The following C1orf167 variants were observed in gnomAD, a reference collection of about 807,000 sequenced individuals.
C1orf167 encodes the protein chromosome 1 open reading frame 167, also known as uncharacterized protein C1orf167.
C1orf167 carries 153 observed loss-of-function variants against 176.5 expected under a neutral mutation model. The ratio of observed to expected loss-of-function variants is 0.87; its 90% CI spans 0.76 to 0.99. The LOEUF (loss-of-function observed/expected upper bound fraction) is 0.99. Among genes scored for constraint, C1orf167 ranks in the 50% least tolerant of loss-of-function variants. The pLI, the probability that C1orf167 is intolerant of heterozygous loss-of-function variation, is 0.00. For missense variants in C1orf167, 1,490 were observed against 1,817.7 expected (o/e 0.82, Z 3.28); for synonymous variants, 594 against 752.7 (o/e 0.79, Z 3.45).
chr1:11,788,488 G>T, intron 19 of C1orf167, 110 bp downstream of exon 19: 1 of 1,149,228 alleles, frequency 8.7e-7, no homozygotes, highest in Non-Finnish European at 1.1e-6. Context: ...CAAAACCTTG[G>T]GGGACAGGCC....
At chr1:11,771,349 C>T (rs890872799) in intron 6 of C1orf167, among the ~76,000 whole-genome samples, 175 bp from the exon 7 acceptor site, 3 of 152,018 alleles carry the variant, frequency 2.0e-5, no homozygotes, top group Non-Finnish European at 4.4e-5. Context: ...GAACCTCCCC[C>T]CAGCAATAGC....
chr1:11,762,687 A>T lies in C1orf167; in HGVS notation c.-71+382A>T, dbSNP rs550484600. Among the ~76,000 whole-genome samples, 7 of 152,320 alleles carry T rather than the reference A, an allele frequency of 4.6e-5. No individual in the cohort carries two copies. In the South Asian group the frequency reaches 1.5e-3, roughly 32 times the overall value. On this transcript the variant is annotated intron_variant, in intron 1 of 20. Coordinates refer to ENST00000688073, the MANE Select transcript of C1orf167 (RefSeq NM_001010881.2). ...AAGTCCCAGGGCTGCAGTGCAGATT[A>T]AATGGCAGGACGCCTGCTGAAGGCT...
intron 8 of C1orf167, 63 bp from the exon 9 acceptor site, chr1:11,775,372 C>T (rs977413567): frequency 8.4e-7 from 1 of 1,196,670 alleles, no homozygotes; most frequent in African/African-American, 1.6e-5. Flanking sequence ...CAATGGCAGG[C>T]AGCTGGAGCC....
At chr1:11,773,715 A>C (rs1327127249) in intron 8 of C1orf167, among the ~76,000 whole-genome samples, 1 of 152,142 alleles carries the variant, frequency 6.6e-6, no homozygotes, top group Non-Finnish European at 1.5e-5. Context: ...CTCAGAAATA[A>C]GTAAATAAAT....
At chr1:11,767,305 G>A (rs1384374314) in intron 4 of C1orf167, 41 bp downstream of exon 4, 1 of 1,270,502 alleles carries the variant, frequency 7.9e-7, no homozygotes, top group Non-Finnish European at 1.0e-6. Flanking sequence ...TGGAGTTGGG[G>A]GACACGTGCT....
chr1:11,776,615 G>T lies in C1orf167; in HGVS notation c.2316G>T (p.Arg772=). The T allele has an allele frequency of 8.3e-7, 1 of 1,200,794 alleles. No individual in the cohort carries two copies. The highest frequency in any genetic ancestry group is 1.1e-6 in the Non-Finnish European group (1 of 939,244). 74.4% of individuals were successfully genotyped at this position (1,200,794 alleles called of 1,614,324 possible). A position where few individuals can be genotyped will look rare whatever the true frequency, so the allele number is the denominator to read the frequency against. ...LCWALLLWKM[R]LFQRQWANSF... is the part of the protein sequence containing the mutation. The stretch of plus-strand genomic sequence containing the variant: ...GGGCGCTGCTGCTGTGGAAGATGCG[G>T]CTTTTCCAGCGCCAGTGGGCCAAGT... Residue 772 remains arginine (R), a synonymous_variant, in exon 10 of 21, where the codon CGG becomes CGT. Coordinates refer to ENST00000688073, the MANE Select transcript of C1orf167 (RefSeq NM_001010881.2).
intron 14 of C1orf167, 59 bp from the exon 15 acceptor site, chr1:11,784,115 A>G: frequency 8.3e-7 from 1 of 1,201,338 alleles, no homozygotes; most frequent in South Asian, 1.5e-5. Flanking sequence ...TTGGCTTCCC[A>G]AAGTGCTGGG....
intron 16 of C1orf167, chr1:11,785,955 A>G (rs1004749486): frequency 2.7e-5 from 4 of 150,858 alleles, no homozygotes; most frequent in African/African-American, 9.7e-5. Flanking sequence ...CTGGTCTCGA[A>G]CTCCTGAACT....
At chr1:11,770,583 A>T (rs964532711) in intron 6 of C1orf167, among the ~76,000 whole-genome samples, 3 of 149,630 alleles carry the variant, frequency 2.0e-5, no homozygotes, top group African/African-American at 7.4e-5. Flanking sequence ...AGCTGGGATT[A>T]TAGGCACACA....
In C1orf167 at chr1:11,769,114, C is replaced by T; in HGVS notation, c.1684C>T (p.Leu562=). ...GGTGGACCCCGCCCAGAGAAGCAGG[C>T]TGGAACACACCAGGTTGGTCAGTGT... ...TVVDPAQRSR[L]EHTSPGSLRE... is the part of the protein sequence containing the mutation. Residue 562 remains leucine (L), a synonymous_variant, in exon 6 of 21, where the codon CTG becomes TTG. Transcript: ENST00000688073. 1.0e-6 allele frequency: 1 copy of T among 985,954 alleles called. No individual in the cohort carries two copies. The highest frequency in any genetic ancestry group is 1.7e-5 in the African/African-American group (1 of 57,374). 61.1% of individuals were successfully genotyped at this position (985,954 alleles called of 1,614,324 possible). A position where few individuals can be genotyped will look rare whatever the true frequency, so the allele number is the denominator to read the frequency against.
chr1:11,765,072 A>G (rs1319229373), intron 2 of C1orf167, among the ~76,000 whole-genome samples: 8 of 150,988 alleles, frequency 5.3e-5, no homozygotes, highest in Non-Finnish European at 1.2e-4. Flanking sequence ...AAAAAAAAAA[A>G]AAAAAGAAAG....
intron 6 of C1orf167, 96 bp downstream of exon 6, chr1:11,769,223 A>G (rs951573302): frequency 2.2e-6 from 2 of 908,064 alleles, no homozygotes; most frequent in African/African-American, 3.6e-5. Context: ...AATGGGAATG[A>G]AATAAGCAGA....
chr1:11,787,808 G>A (rs1643929674), intron 17 of C1orf167, 65 bp from the exon 18 acceptor site: 1 of 1,182,752 alleles, frequency 8.5e-7, no homozygotes, highest in Non-Finnish European at 1.1e-6. Flanking sequence ...CTCCTAGGCG[G>A]GCACTAAGAG....
rs147195468 is a variant in C1orf167, at chr1:11,771,069, ATTTTTTTTT to A, written c.1698-436_1698-428del. Reference sequence around the variant, plus strand: ...TGTGTGTATATATATATATATATATATTTTTTTTTTTTTTTTTTTTTTTTTTTGTAGTAG... The same window carrying A: ...TGTGTGTATATATATATATATATATATTTTTTTTTTTTTTTTTTGTAGTAG... On this transcript the variant is annotated intron_variant, in intron 6 of 20. Transcript: ENST00000688073. Among the ~76,000 whole-genome samples the A allele has an allele frequency of 5.5e-4, 26 of 47,222 alleles. 1 individual carries two copies. Among genetic ancestry groups the A allele is most frequent in the African/African-American group, 2.2e-3 (22 of 10,180 alleles). The allele number at this position is 47,222 out of a possible 152,430, so 31.0% of individuals were successfully genotyped here. A position where few individuals can be genotyped will look rare whatever the true frequency, so the allele number is the denominator to read the frequency against.
chr1:11,783,242 TTTTG>T (rs141237046), intron 14 of C1orf167, among the ~76,000 whole-genome samples: 4,288 of 152,036 alleles, frequency 0.028, 187 homozygotes, highest in African/African-American at 0.095. Context: ...TAGATGGTTA[TTTTG>T]TTTGTTTGTT....
intron 14 of C1orf167, among the ~76,000 whole-genome samples, chr1:11,782,918 CAA>C (rs70983597): frequency 2.7e-3 from 281 of 104,874 alleles, no homozygotes; most frequent in Middle Eastern, 9.1e-3. Context: ...GACTCCATCT[CAA>C]AAAAAAAAAA....
intron 8 of C1orf167, among the ~76,000 whole-genome samples, chr1:11,774,933 T>C (rs1189259955): frequency 2.0e-5 from 3 of 152,186 alleles, no homozygotes; most frequent in Non-Finnish European, 2.9e-5. Context: ...GATAGTGTCA[T>C]GGCCTGAGCA....
rs552288811 is a variant in C1orf167, at chr1:11,785,264, G to A, written c.3542G>A (p.Arg1181Gln). ...CTGCGGACAGTGCAGCTCAGGGTGC[G>A]GCTGGGACTGCCAGGGGCCGGCAAG... ...RFLRTVQLRV[R>Q]LGLPGAGKTR... Residue 1181 changes from arginine (R) to glutamine (Q), a missense_variant, in exon 16 of 21, where the codon CGG becomes CAG. Arg to Gln is a conservative substitution (Grantham distance 43). Coordinates refer to ENST00000688073, the MANE Select transcript of C1orf167 (RefSeq NM_001010881.2). 92 of 1,288,066 alleles carry A rather than the reference G, an allele frequency of 7.1e-5. No homozygotes were observed. In the African/African-American group the frequency reaches 1.1e-3, roughly 16 times the overall value. 79.8% of individuals were successfully genotyped at this position (1,288,066 alleles called of 1,614,324 possible).
At chr1:11,767,374 C>T in intron 4 of C1orf167, 110 bp downstream of exon 4, 3 of 1,005,356 alleles carry the variant, frequency 3.0e-6, no homozygotes, top group East Asian at 1.2e-4. Context: ...GGAGAGGAGG[C>T]AGGGTTTCAA....
Sources: gnomAD v4.1 joint callset for allele counts (sites outside exome capture counted in the v4.1 genomes callset) on GRCh38, gnomAD v4.1.1 for gene constraint, MANE v1.5 for transcripts, NCBI Gene and HGNC (gene_info 2026-07-23, HGNC 2026-07-21) for gene names.